The following VSTM2L variants were observed in gnomAD, a reference collection of about 807,000 sequenced individuals.
VSTM2L encodes V-set and transmembrane domain-containing protein 2-like protein.
Under a neutral mutation model 19.9 loss-of-function variants are expected in VSTM2L, and 9 were observed. The observed-to-expected ratio is 0.45, with a 90% CI of 0.27 to 0.79. The LOEUF is 0.79. Among genes scored for constraint, VSTM2L ranks in the 30% least tolerant of loss-of-function variants. VSTM2L has a pLI of 0.15. For synonymous variants in VSTM2L, 127 were observed against 133.8 expected, an observed-to-expected ratio of 0.95 and a Z score of 0.35; for missense variants, 286 against 295.5, an observed-to-expected ratio of 0.97 and a Z score of 0.24.
chr20:37,944,607 T>G lies in VSTM2L; in HGVS notation c.*354T>G. On this transcript the variant is annotated 3_prime_UTR_variant, in exon 4 of 4. Coordinates refer to ENST00000373461, the MANE Select transcript of VSTM2L (RefSeq NM_080607.3). ...TGCTTTGCTTGCTTGTCCCCCATCC[T>G]GTCCTGAGCCGGGGCCCCCCAGCCT... is the stretch of plus-strand genomic sequence containing the variant. 1 of 1,048,590 alleles carries G rather than the reference T, an allele frequency of 9.5e-7. No homozygotes were observed. The highest frequency in any genetic ancestry group is 1.1e-6 in the Non-Finnish European group (1 of 871,888). 65.0% of individuals were successfully genotyped at this position (1,048,590 alleles called of 1,614,324 possible).
intron 1 of VSTM2L, among the ~76,000 whole-genome samples, chr20:37,931,092 G>A (rs1349443998): frequency 1.3e-5 from 2 of 152,204 alleles, no homozygotes; most frequent in Non-Finnish European, 2.9e-5. Flanking sequence ...GTGTCCACAG[G>A]ACAGGGAGGA....
chr20:37,944,946 C>A lies in VSTM2L; in HGVS notation c.*693C>A. On this transcript the variant is annotated 3_prime_UTR_variant, in exon 4 of 4. Coordinates refer to ENST00000373461, the MANE Select transcript of VSTM2L (RefSeq NM_080607.3). ...AGTCAGAAGGGAGGGGCCTTTCCCT[C>A]GGACCCATGGCCCCAGGCAGAGTTT... The A allele has an allele frequency of 1.0e-6, 1 of 985,866 alleles. No individual in the cohort carries two copies. Among genetic ancestry groups the A allele is most frequent in the Middle Eastern group, 5.2e-4 (1 of 1,912 alleles). The allele number at this position is 985,866 out of a possible 1,614,324, so 61.1% of individuals were successfully genotyped here. A position where few individuals can be genotyped will look rare whatever the true frequency, so the allele number is the denominator to read the frequency against.
intron 1 of VSTM2L, among the ~76,000 whole-genome samples, chr20:37,912,983 C>T (rs2072789548): frequency 1.3e-5 from 2 of 152,142 alleles, no homozygotes; most frequent in Non-Finnish European, 1.5e-5. Context: ...CTCTTCTCAC[C>T]GCCCCCACCC....
intron 1 of VSTM2L, among the ~76,000 whole-genome samples, chr20:37,926,171 C>T (rs1014397898): frequency 1.3e-5 from 2 of 152,184 alleles, no homozygotes; most frequent in Admixed American, 1.3e-4. Context: ...AAGCAATTCT[C>T]CTGCCTCAGC....
At chr20:37,943,756 T>C (rs1355989953) in intron 3 of VSTM2L, among the ~76,000 whole-genome samples, 1 of 152,174 alleles carries the variant, frequency 6.6e-6, no homozygotes. Flanking sequence ...CAGTGCTTCA[T>C]GCAGGGAACC....
chr20:37,913,260 C>T (rs2072791168), intron 1 of VSTM2L, among the ~76,000 whole-genome samples: 1 of 152,190 alleles, frequency 6.6e-6, no homozygotes, highest in Non-Finnish European at 1.5e-5. Context: ...AAAAATGCCA[C>T]AGAGTTTTGC....
chr20:37,913,772 A>G (rs2072793690), intron 1 of VSTM2L, among the ~76,000 whole-genome samples: 1 of 152,202 alleles, frequency 6.6e-6, no homozygotes, highest in African/African-American at 2.4e-5. Flanking sequence ...GGCCTCGTGG[A>G]GAACCATGTG....
At chr20:37,939,321 A>G (rs1246222616) in intron 3 of VSTM2L, among the ~76,000 whole-genome samples, 1 of 151,610 alleles carries the variant, frequency 6.6e-6, no homozygotes, top group African/African-American at 2.4e-5. Context: ...GGGGTGCTGA[A>G]GCGGGAGGAT....
chr20:37,936,461 T>C (rs2072940941), intron 3 of VSTM2L, among the ~76,000 whole-genome samples: 1 of 152,174 alleles, frequency 6.6e-6, no homozygotes, highest in Non-Finnish European at 1.5e-5. Context: ...GCTGGTGGAA[T>C]CCCAGAATCT....
Position 37,931,625 on chromosome 20 carries a change from T to A in VSTM2L, c.122-10T>A. 4.4e-6 allele frequency: 7 copies of A among 1,608,010 alleles called. No individual in the cohort carries two copies. The highest frequency in any genetic ancestry group is 5.1e-6 in the Non-Finnish European group (6 of 1,177,168). On this transcript the variant is annotated splice_polypyrimidine_tract_variant and intron_variant, in intron 1 of 3. Transcript: ENST00000373461. ...GAGCCCCGCCATTCTTCCCCCTGTT[T>A]CTTGCACAGCCCTGTTCACAGAGAC...
At position 37,944,645 on chromosome 20, in the gene VSTM2L, C is replaced by T. The variant is rs1237588384; in HGVS notation, c.*392C>T. ...GGCCCCCCAGCCTCGCCTCCCTCCT[C>T]CTACCATCCCTCACTTGGACCTGGG... On this transcript the variant is annotated 3_prime_UTR_variant, in exon 4 of 4. Transcript: ENST00000373461. 2 of 1,017,830 alleles carry T rather than the reference C, an allele frequency of 2.0e-6. No homozygotes were observed. Among genetic ancestry groups the T allele is most frequent in the Middle Eastern group, 4.8e-4 (1 of 2,086 alleles). The allele number at this position is 1,017,830 out of a possible 1,614,324, so 63.0% of individuals were successfully genotyped here. A position where few individuals can be genotyped will look rare whatever the true frequency, so the allele number is the denominator to read the frequency against.
chr20:37,920,727 C>T (rs77785696), intron 1 of VSTM2L, among the ~76,000 whole-genome samples: 4,085 of 152,288 alleles, frequency 0.027, 185 homozygotes, highest in African/African-American at 0.092. Context: ...TATCCCTGCT[C>T]CTGTGGGCAC....
At chr20:37,908,975 G>A (rs942681381) in intron 1 of VSTM2L, among the ~76,000 whole-genome samples, 5 of 152,112 alleles carry the variant, frequency 3.3e-5, no homozygotes, top group East Asian at 3.9e-4. Context: ...AATGAGACTC[G>A]GGGAGGTTAA....
intron 2 of VSTM2L, among the ~76,000 whole-genome samples, chr20:37,932,855 A>G (rs2072918474): frequency 6.6e-6 from 1 of 152,228 alleles, no homozygotes; most frequent in Non-Finnish European, 1.5e-5. Context: ...ATGAACACAT[A>G]TATCTGCACA....
intron 1 of VSTM2L, among the ~76,000 whole-genome samples, chr20:37,911,311 G>T (rs2072778437): frequency 1.3e-5 from 2 of 151,930 alleles, no homozygotes; most frequent in Admixed American, 6.6e-5. Context: ...CACCTGTGGG[G>T]CAGGGAGGGT....
chr20:37,944,116 T>C lies in VSTM2L; in HGVS notation c.478T>C (p.Tyr160His), dbSNP rs1301737879. 1.2e-6 allele frequency: 2 copies of C among 1,611,938 alleles called. No individual in the cohort carries two copies. The highest frequency in any genetic ancestry group is 1.7e-5 in the Admixed American group (1 of 59,904). ...GKARHHKVKA[Y>H]LRVQPGENSV... is the part of the protein sequence containing the mutation. The stretch of plus-strand genomic sequence containing the variant: ...GGCCCGGCACCACAAGGTCAAGGCC[T>C]ACCTGCGGGTGCAGCCAGGGGAGAA... The change falls in exon 4 of 4, where the codon TAC becomes CAC. Residue 160 changes from tyrosine to histidine, a missense_variant. Transcript: ENST00000373461.
intron 1 of VSTM2L, among the ~76,000 whole-genome samples, chr20:37,915,512 T>C (rs180787750): frequency 3.9e-4 from 60 of 152,150 alleles, no homozygotes; most frequent in Non-Finnish European, 6.5e-4. Context: ...GAGAGCAGCC[T>C]GATCCTGTCC....
rs904654347 is a variant in VSTM2L, at chr20:37,944,502, C to T, written c.*249C>T. The T allele has an allele frequency of 5.6e-6, 7 of 1,242,424 alleles. No homozygotes were observed. Among genetic ancestry groups the T allele is most frequent in the East Asian group, 3.2e-5 (1 of 31,196 alleles). The allele number at this position is 1,242,424 out of a possible 1,614,324, so 77.0% of individuals were successfully genotyped here. Reference sequence around the variant, plus strand: ...CCCTGGGCACCAAGGGGCCAACCGCCCTGAACACTGGGGCAGGGACCATGC... The same window carrying T: ...CCCTGGGCACCAAGGGGCCAACCGCTCTGAACACTGGGGCAGGGACCATGC... On this transcript the variant is annotated 3_prime_UTR_variant, in exon 4 of 4. Coordinates refer to ENST00000373461, the MANE Select transcript of VSTM2L (RefSeq NM_080607.3).
chr20:37,913,403 G>C (rs1367268570), intron 1 of VSTM2L, among the ~76,000 whole-genome samples: 1 of 152,198 alleles, frequency 6.6e-6, no homozygotes, highest in Non-Finnish European at 1.5e-5. Flanking sequence ...CATGGGACAA[G>C]TCTGTGGCAG....
Sources: allele counts gnomAD v4.1 joint callset (sites outside exome capture counted in the v4.1 genomes callset), GRCh38; gene constraint gnomAD v4.1.1; transcripts MANE v1.5; gene names NCBI Gene and HGNC (gene_info 2026-07-23, HGNC 2026-07-21).